TAFA2: variants seen among roughly 807,000 people sequenced by gnomAD.
TAFA2 encodes the protein TAFA chemokine like family member 2.
Under a neutral mutation model 18.8 loss-of-function variants are expected in TAFA2, and 7 were observed. That is an observed-to-expected ratio of 0.37 (90% CI 0.21 to 0.70). The LOEUF is 0.70. TAFA2 is among the 30% of genes least tolerant of loss of function. The pLI, the probability that TAFA2 is intolerant of heterozygous loss-of-function variation, is 0.53. For synonymous variants in TAFA2, 60 were observed against 54.2 expected, an observed-to-expected ratio of 1.11 and a Z score of -0.47; for missense variants, 122 against 158.1, an observed-to-expected ratio of 0.77 and a Z score of 1.23.
rs368250596 is a variant in TAFA2 at position 62,009,475 on chromosome 12, C to G, written c.-1-142049G>C. ...AGCGGACAGAAGATATAACATGGCA[C>G]AGATGATTTCCGATTTGTGTTTAAC... is the stretch of plus-strand genomic sequence containing the variant. On this transcript the variant is annotated intron_variant, in intron 1 of 4. Coordinates refer to ENST00000416284, the MANE Select transcript of TAFA2 (RefSeq NM_178539.5). Among the ~76,000 whole-genome samples the G allele has an allele frequency of 1.1e-4, 16 of 152,258 alleles. No individual in the cohort carries two copies. In the East Asian group the frequency reaches 2.7e-3, roughly 26 times the overall value.
chr12:62,121,419 C>T (rs1446610583), intron 1 of TAFA2, among the ~76,000 whole-genome samples: 3 of 152,140 alleles, frequency 2.0e-5, no homozygotes, highest in Non-Finnish European at 2.9e-5. Flanking sequence ...AGTGATTCAA[C>T]TTTACTGAGA....
At chr12:61,824,948 A>T (rs1458449243) in intron 2 of TAFA2, among the ~76,000 whole-genome samples, 1 of 152,188 alleles carries the variant, frequency 6.6e-6, no homozygotes, top group Non-Finnish European at 1.5e-5. Context: ...CAATGCATCA[A>T]AGTGAAATTG....
chr12:61,825,602 A>T (rs1872511662), intron 2 of TAFA2, among the ~76,000 whole-genome samples: 1 of 152,084 alleles, frequency 6.6e-6, no homozygotes, highest in Non-Finnish European at 1.5e-5. Context: ...GAAAAAATGG[A>T]GTCAAACGAC....
intron 1 of TAFA2, among the ~76,000 whole-genome samples, chr12:61,962,609 A>G (rs1274026400): frequency 1.3e-5 from 2 of 151,970 alleles, no homozygotes; most frequent in East Asian, 3.9e-4. Flanking sequence ...GGAGAACATT[A>G]TTTTTTCAAA....
At chr12:62,083,346 CAA>C (rs1868352285) in intron 1 of TAFA2, among the ~76,000 whole-genome samples, 1 of 151,920 alleles carries the variant, frequency 6.6e-6, no homozygotes, top group African/African-American at 2.4e-5. Context: ...CCTGCTATTA[CAA>C]GAGTGTCTTC....
intron 1 of TAFA2, among the ~76,000 whole-genome samples, chr12:61,953,055 T>C (rs992780076): frequency 6.6e-6 from 1 of 152,138 alleles, no homozygotes; most frequent in East Asian, 1.9e-4. Context: ...ACTATAAAAG[T>C]ATCTCTTCAT....
intron 1 of TAFA2, among the ~76,000 whole-genome samples, chr12:62,161,509 G>T (rs2136930651): frequency 6.6e-6 from 1 of 152,266 alleles, no homozygotes; most frequent in South Asian, 2.1e-4. Flanking sequence ...TGTACACATG[G>T]ACATAGAGAG....
At chr12:62,163,688 T>C (rs1203446261) in intron 1 of TAFA2, among the ~76,000 whole-genome samples, 5 of 152,090 alleles carry the variant, frequency 3.3e-5, no homozygotes, top group African/African-American at 4.8e-5. Context: ...ATTTGTAAAA[T>C]CTGTATTCCA....
chr12:61,885,804 G>A (rs2124539), intron 1 of TAFA2, among the ~76,000 whole-genome samples: 5,210 of 152,208 alleles, frequency 0.034, 289 homozygotes, highest in African/African-American at 0.12. Flanking sequence ...CGTGAGTGTC[G>A]GTGTTACATC....
intron 1 of TAFA2, among the ~76,000 whole-genome samples, chr12:61,882,819 T>C (rs1395960508): frequency 6.6e-6 from 1 of 152,174 alleles, no homozygotes; most frequent in Non-Finnish European, 1.5e-5. Flanking sequence ...TGGTCACCTG[T>C]TTAGGTAGAT....
At chr12:61,875,911 A>C (rs1874823572) in intron 1 of TAFA2, among the ~76,000 whole-genome samples, 1 of 152,164 alleles carries the variant, frequency 6.6e-6, no homozygotes. Context: ...ACTACATTTC[A>C]CAACTGCTAG....
At chr12:61,923,496 G>A (rs540500312) in intron 1 of TAFA2, among the ~76,000 whole-genome samples, 10 of 152,162 alleles carry the variant, frequency 6.6e-5, no homozygotes, top group Non-Finnish European at 1.2e-4. Context: ...TGCAGCAGAG[G>A]TGCCTGACTG....
intron 2 of TAFA2, among the ~76,000 whole-genome samples, chr12:61,829,896 T>A (rs1420653225): frequency 6.6e-6 from 1 of 151,678 alleles, no homozygotes; most frequent in East Asian, 1.9e-4. Flanking sequence ...AATATCTCCC[T>A]CCTCCATCTA....
At chr12:62,094,891 T>A (rs778105509) in intron 1 of TAFA2, among the ~76,000 whole-genome samples, 1 of 152,016 alleles carries the variant, frequency 6.6e-6, no homozygotes, top group African/African-American at 2.4e-5. Context: ...TCAAGACATA[T>A]TAGAAAAATA....
At chr12:62,222,152 C>T (rs1451716128) in intron 1 of TAFA2, among the ~76,000 whole-genome samples, 1 of 152,072 alleles carries the variant, frequency 6.6e-6, no homozygotes, top group Non-Finnish European at 1.5e-5. Context: ...TCACAGATGC[C>T]TACCTGTGCC....
chr12:61,731,052 C>T (rs533128840), intron 4 of TAFA2, among the ~76,000 whole-genome samples: 30 of 152,212 alleles, frequency 2.0e-4, no homozygotes, highest in African/African-American at 6.5e-4. Flanking sequence ...CCCCAAGGAC[C>T]CCTGTGAGAT....
intron 1 of TAFA2, among the ~76,000 whole-genome samples, chr12:61,932,363 C>T (rs1045361610): frequency 6.6e-6 from 1 of 152,048 alleles, no homozygotes; most frequent in East Asian, 1.9e-4. Flanking sequence ...AGATGCCTCC[C>T]AAGACTGAGA....
chr12:62,080,445 C>A (rs945229759), intron 1 of TAFA2, among the ~76,000 whole-genome samples: 3 of 152,030 alleles, frequency 2.0e-5, no homozygotes, highest in Non-Finnish European at 4.4e-5. Context: ...CCACATTACC[C>A]TTCCTACTGA....
chr12:62,066,229 C>T (rs1443128272), intron 1 of TAFA2, among the ~76,000 whole-genome samples: 2 of 151,560 alleles, frequency 1.3e-5, no homozygotes, highest in African/African-American at 4.8e-5. Flanking sequence ...ATGATAATCA[C>T]ATTCAGATAA....
Sources: gnomAD v4.1 joint callset for allele counts (sites outside exome capture counted in the v4.1 genomes callset) on GRCh38, gnomAD v4.1.1 for gene constraint, MANE v1.5 for transcripts, NCBI Gene and HGNC (gene_info 2026-07-23, HGNC 2026-07-21) for gene names.